The following ARHGAP32 variants were observed in gnomAD, a reference collection of about 807,000 sequenced individuals.
ARHGAP32 encodes Rho GTPase activating protein 32, also known as rho GTPase-activating protein 32.
A neutral mutation model predicts 186.5 loss-of-function variants in ARHGAP32; 51 were observed. The observed-to-expected ratio is 0.27, with a 90% CI of 0.22 to 0.35. The LOEUF (loss-of-function observed/expected upper bound fraction) is 0.35, where lower values mean the gene tolerates loss of function less well. ARHGAP32 is among the 10% of genes least tolerant of loss of function. The pLI is 1.00. For missense variants in ARHGAP32, 2,186 were observed against 2,623.5 expected, an observed-to-expected ratio of 0.83 and a Z score of 3.64; for synonymous variants, 950 against 964.3, an observed-to-expected ratio of 0.99 and a Z score of 0.27.
intron 17 of ARHGAP32, 24 bp from the exon 18 acceptor site, chr11:128,980,772 T>A: frequency 6.5e-7 from 1 of 1,549,080 alleles, no homozygotes; most frequent in Non-Finnish European, 8.8e-7. Context: ...AGGAAGCTGA[T>A]GAAGAGAGTC....
Position 128,972,472 on chromosome 11 carries a change from C to G in ARHGAP32, c.4034G>C (p.Gly1345Ala). 1.3e-6 allele frequency: 2 copies of G among 1,518,492 alleles called. No homozygotes were observed. 94.1% of individuals were successfully genotyped at this position (1,518,492 alleles called of 1,614,324 possible). A position where few individuals can be genotyped will look rare whatever the true frequency, so the allele number is the denominator to read the frequency against. ...TCTTACCTTGTGGGAATTATTTAAT[C>G]CTATATTGGTTGCTGCTTGTACCTG... Reference protein sequence around the residue: ...VGQVQAATNIGLNNSHKVQGV... With the variant: ...VGQVQAATNIALNNSHKVQGV... Residue 1345 changes from glycine (G) to alanine (A), a missense_variant, in exon 22 of 23, where the codon GGA (glycine) becomes GCA (alanine). Gly to Ala is a moderately conservative substitution (Grantham distance 60). This residue lies in a region of ARHGAP32 where 1,502 missense variants were observed against 1,570.0 expected (regional missense o/e 0.96). Transcript: ENST00000682385.
rs538471430 is a variant in ARHGAP32, at chr11:129,144,229, A to G, written c.226-19335T>C. 2.2e-4 allele frequency among the ~76,000 whole-genome samples: 34 copies of G among 152,284 alleles called. No homozygotes were observed. The East Asian group carries it at 5.8e-3, about 26-fold the overall frequency. ...GTCCTTAGAAAAATCATCACTGTACAGTACTAAGGAAAAAAATAATTAGGC... is the reference window on the plus strand; with the variant it reads ...GTCCTTAGAAAAATCATCACTGTACGGTACTAAGGAAAAAAATAATTAGGC... On this transcript the variant is annotated intron_variant, in intron 2 of 22. Coordinates refer to ENST00000682385, the MANE Select transcript of ARHGAP32 (RefSeq NM_001378024.1).
At position 129,223,460 on chromosome 11, in the gene ARHGAP32, A is replaced by T. The variant is rs369366203; in HGVS notation, c.-5+55686T>A. On this transcript the variant is annotated intron_variant, in intron 1 of 6. Coordinates refer to the ARHGAP32 transcript ENST00000525234. ...GGACGGATATAATAGGCAGTGAAAT[A>T]GACTCTAGGGAGGGGTGGCAGAAGG... Among the ~76,000 whole-genome samples, 5 of 152,194 alleles carry T rather than the reference A, an allele frequency of 3.3e-5. No homozygotes were observed. The East Asian group carries it at 7.7e-4, about 23-fold the overall frequency.
At chr11:129,267,894 C>T (rs1279266202) in intron 1 of ARHGAP32, among the ~76,000 whole-genome samples, 1 of 151,996 alleles carries the variant, frequency 6.6e-6, no homozygotes, top group Non-Finnish European at 1.5e-5. Context: ...AGGGAGGTAC[C>T]AGGCTCTTTT....
At chr11:129,174,377 C>T (rs560976203) in intron 1 of ARHGAP32, among the ~76,000 whole-genome samples, 1 of 152,204 alleles carries the variant, frequency 6.6e-6, no homozygotes, top group Non-Finnish European at 1.5e-5. Context: ...GGGCGCCCAC[C>T]ATTGCCCAGG....
At chr11:129,078,925 C>A (rs1309266864) in intron 6 of ARHGAP32, among the ~76,000 whole-genome samples, 1 of 151,324 alleles carries the variant, frequency 6.6e-6, no homozygotes, top group Admixed American at 6.6e-5. Context: ...AAAAAAATCA[C>A]AACTCCTGGA....
At chr11:129,078,881 CA>C (rs1039650631) in intron 6 of ARHGAP32, among the ~76,000 whole-genome samples, 1 of 149,840 alleles carries the variant, frequency 6.7e-6, no homozygotes, top group Non-Finnish European at 1.5e-5. Flanking sequence ...AAGATATGGA[CA>C]AAAAAATCTC....
At chr11:129,017,428 C>T (rs1372206644) in intron 11 of ARHGAP32, among the ~76,000 whole-genome samples, 3 of 107,276 alleles carry the variant, frequency 2.8e-5, no homozygotes, top group Non-Finnish European at 5.5e-5. Flanking sequence ...GCCTAGGTGA[C>T]AAGAGCAAGA....
chr11:128,969,774 C>T lies in ARHGAP32; in HGVS notation c.5439G>A (p.Gly1813=), dbSNP rs1207163429. The change falls in exon 23 of 23, where the codon GGG becomes GGA. Residue 1813 remains glycine, a synonymous_variant. Coordinates refer to ENST00000682385, the MANE Select transcript of ARHGAP32 (RefSeq NM_001378024.1). The surrounding 1 kb of genome is among the most constrained non-coding windows in gnomAD (Gnocchi z 4.8). ...CTGCCACTGAGAGAAGTCCAGTTTT[C>T]CCAGGATCTGATTTACTACGCAGAT... ...VIHLRSKSDP[G]KTGLLSVAEG... is the part of the protein sequence containing the mutation. 1 of 1,614,136 alleles carries T rather than the reference C, an allele frequency of 6.2e-7. No individual in the cohort carries two copies. Among genetic ancestry groups the T allele is most frequent in the African/African-American group, 1.3e-5 (1 of 75,022 alleles).
intron 1 of ARHGAP32, among the ~76,000 whole-genome samples, chr11:129,190,289 GC>G (rs2135552055): frequency 6.6e-6 from 1 of 152,270 alleles, no homozygotes; most frequent in East Asian, 1.9e-4. Context: ...CCACTCTGCT[GC>G]CACATTTCCT....
chr11:129,244,474 G>T, intron 1 of ARHGAP32, among the ~76,000 whole-genome samples: 1 of 152,090 alleles, frequency 6.6e-6, no homozygotes, highest in East Asian at 1.9e-4. Flanking sequence ...ATTTTATAAA[G>T]CTATCAATAA....
At chr11:129,027,923 A>G (rs1191795357) in intron 11 of ARHGAP32, among the ~76,000 whole-genome samples, 1 of 152,218 alleles carries the variant, frequency 6.6e-6, no homozygotes, top group East Asian at 1.9e-4. Context: ...TTCTTGATCA[A>G]TTAATGAATG....
chr11:129,176,893 A>G (rs1943928420), intron 1 of ARHGAP32, among the ~76,000 whole-genome samples: 1 of 152,202 alleles, frequency 6.6e-6, no homozygotes, highest in Admixed American at 6.5e-5. Context: ...AAGCAAGAGC[A>G]AACACATTCA....
At chr11:129,224,143 A>G (rs1004488218) in intron 1 of ARHGAP32, among the ~76,000 whole-genome samples, 2 of 152,202 alleles carry the variant, frequency 1.3e-5, no homozygotes, top group Non-Finnish European at 2.9e-5. Flanking sequence ...AAGACAACAG[A>G]TGTCAGCACC....
intron 11 of ARHGAP32, among the ~76,000 whole-genome samples, chr11:129,036,097 G>T (rs561907123): frequency 6.6e-6 from 1 of 152,098 alleles, no homozygotes; most frequent in South Asian, 2.1e-4. Context: ...CATGAGAATG[G>T]GCCAGGCACG....
intron 2 of ARHGAP32, among the ~76,000 whole-genome samples, chr11:129,146,948 T>A (rs1251566546): frequency 6.6e-6 from 1 of 152,092 alleles, no homozygotes; most frequent in Non-Finnish European, 1.5e-5. Flanking sequence ...CAAAGTTATA[T>A]TTCACTTAGA....
At chr11:129,085,924 G>A (rs548315410) in intron 6 of ARHGAP32, among the ~76,000 whole-genome samples, 11 of 151,672 alleles carry the variant, frequency 7.3e-5, no homozygotes, top group African/African-American at 2.7e-4. Flanking sequence ...AACCCGGGAG[G>A]CAGAGCTTGC....
intron 11 of ARHGAP32, among the ~76,000 whole-genome samples, chr11:129,025,531 C>A (rs961533979): frequency 2.0e-5 from 3 of 152,074 alleles, no homozygotes; most frequent in African/African-American, 7.2e-5. Flanking sequence ...AAAATTTACT[C>A]CTATTGGAGA....
intron 1 of ARHGAP32, among the ~76,000 whole-genome samples, chr11:129,230,719 C>G (rs1944846948): frequency 1.3e-5 from 2 of 151,960 alleles, no homozygotes. Context: ...TATCTTTGAG[C>G]TAAATTATTT....
Sources: allele counts gnomAD v4.1 joint callset (sites outside exome capture counted in the v4.1 genomes callset), GRCh38; gene constraint gnomAD v4.1.1; regional missense constraint gnomAD v4.1.1; non-coding constraint Gnocchi (gnomAD v3.1); transcripts MANE v1.5; gene names NCBI Gene and HGNC (gene_info 2026-07-23, HGNC 2026-07-21).